DGKK: variants seen among roughly 807,000 people sequenced by gnomAD.
The protein encoded by DGKK is diacylglycerol kinase kappa.
In DGKK, 35 loss-of-function variants were observed where a neutral mutation model predicts 92.2. That is an observed-to-expected ratio of 0.38 (90% CI 0.29 to 0.50). The LOEUF (loss-of-function observed/expected upper bound fraction) is 0.50. Among genes scored for constraint, DGKK ranks in the 20% least tolerant of loss-of-function variants. The probability of loss-of-function intolerance (pLI) is 0.92; values close to 1 mark genes in which losing one functional copy is unlikely to be tolerated. For synonymous variants in DGKK, 368 were observed against 360.6 expected (o/e 1.02, Z -0.23); for missense variants, 910 against 992.2 (o/e 0.92, Z 1.11).
intron 1 of DGKK, among the ~76,000 whole-genome samples, chrX:50,454,702 G>A (rs1557232734): frequency 1.8e-5 from 2 of 111,188 alleles, no homozygotes; most frequent in Non-Finnish European, 3.8e-5. Flanking sequence ...TCTAAATTCA[G>A]TTGATCTCAA....
At chrX:50,393,391 A>G (rs1394880166) in intron 8 of DGKK, 56 bp from the exon 9 acceptor site, 1 of 973,028 alleles carries the variant, frequency 1.0e-6, no homozygotes, top group African/African-American at 1.9e-5. Context: ...TGAGATGGAA[A>G]CGAGACATGA....
intron 1 of DGKK, among the ~76,000 whole-genome samples, chrX:50,462,882 CTTTTTTTT>C (rs548003185): frequency 1.3e-4 from 2 of 15,766 alleles, no homozygotes; most frequent in African/African-American, 2.3e-4. Context: ...CCTTTCCTTG[CTTTTTTTT>C]TTTTTTTTTT....
chrX:50,411,326 C>A (rs547948788), intron 4 of DGKK, among the ~76,000 whole-genome samples: 4 of 112,123 alleles, frequency 3.6e-5, no homozygotes, highest in African/African-American at 1.3e-4. Context: ...AAAATATTAG[C>A]AAACTGAATT....
chrX:50,422,458 G>T lies in DGKK; in HGVS notation c.825C>A (p.Cys275Ter). ...TVAESSCRNL[C>*]HSFCVITPQR... ...CAATCTTACTTACACAAAAACTGTG[G>T]CAAAGGTTTCTACAGCTGCTTTCTG... Residue 275 changes from cysteine (C) to a stop codon, truncating the protein, a stop_gained, in exon 3 of 28, where the codon TGC (cysteine) becomes TGA (stop). Transcript: ENST00000611977. LOFTEE classifies it high-confidence loss of function. 1 of 1,201,213 alleles carries T rather than the reference G, an allele frequency of 8.3e-7. No individual in the cohort carries two copies. The highest frequency in any genetic ancestry group is 1.8e-5 in the South Asian group (1 of 54,635).
intron 1 of DGKK, among the ~76,000 whole-genome samples, chrX:50,430,831 C>T (rs907292129): frequency 9.0e-6 from 1 of 111,530 alleles, no homozygotes; most frequent in Non-Finnish European, 1.9e-5. Flanking sequence ...ATAAACATTT[C>T]CCTCAATCCA....
At chrX:50,402,671 G>A (rs928232687) in intron 7 of DGKK, among the ~76,000 whole-genome samples, 2 of 111,481 alleles carry the variant, frequency 1.8e-5, no homozygotes, top group Non-Finnish European at 3.8e-5. Context: ...CAATAATAAT[G>A]TGTTAATATT....
chrX:50,370,669 A>G (rs1557223070), intron 26 of DGKK, 120 bp from the exon 27 acceptor site: 28 of 802,027 alleles, frequency 3.5e-5, no homozygotes, highest in Non-Finnish European at 3.8e-5. Flanking sequence ...TCTGCTCTCT[A>G]TCCAGGTATG....
At chrX:50,433,678 C>A (rs1925948653) in intron 1 of DGKK, among the ~76,000 whole-genome samples, 1 of 111,343 alleles carries the variant, frequency 9.0e-6, no homozygotes, top group Admixed American at 9.5e-5. Context: ...AGGGAAGACT[C>A]AAAGTTCTGA....
chrX:50,428,530 G>A (rs1312741742), intron 1 of DGKK, among the ~76,000 whole-genome samples: 1 of 111,852 alleles, frequency 8.9e-6, no homozygotes, highest in East Asian at 2.8e-4. Flanking sequence ...TTGTTGGAAG[G>A]AACCAAATGA....
Position 50,382,561 on chromosome X carries a change from A to G in DGKK, c.2592T>C (p.Ile864=), listed in dbSNP as rs1569544183. 4 of 1,210,437 alleles carry G rather than the reference A, an allele frequency of 3.3e-6. No homozygotes were observed. Among genetic ancestry groups the G allele is most frequent in the Middle Eastern group, 2.3e-4 (1 of 4,346 alleles). ...EKCVMNNYFG[I]GLDAKISLDF... is the part of the protein sequence containing the mutation. ...CCAGAGAAATTTTAGCATCCAGTCC[A>G]ATTCCGAAGTAGTTGTTCATGACAC... is the stretch of plus-strand genomic sequence containing the variant. Residue 864 remains isoleucine (I), a synonymous_variant, in exon 18 of 28, where the codon ATT becomes ATC. Transcript: ENST00000611977.
intron 1 of DGKK, among the ~76,000 whole-genome samples, chrX:50,447,261 G>T (rs1160900672): frequency 1.2e-5 from 1 of 80,551 alleles, no homozygotes; most frequent in Middle Eastern, 6.3e-3. Flanking sequence ...AAAGTATGTG[G>T]TCATACATAA....
intron 1 of DGKK, among the ~76,000 whole-genome samples, chrX:50,431,528 T>C (rs1312527341): frequency 9.0e-6 from 1 of 111,387 alleles, no homozygotes; most frequent in East Asian, 2.8e-4. Flanking sequence ...CTGGATCAAG[T>C]TGGGGGATGA....
intron 8 of DGKK, 125 bp from the exon 9 acceptor site, chrX:50,393,460 G>A: frequency 1.8e-6 from 1 of 540,878 alleles, no homozygotes; most frequent in East Asian, 3.6e-5. Flanking sequence ...TTGAAAATGA[G>A]GAGCAGAGGA....
At chrX:50,444,845 C>A (rs1012069929) in intron 1 of DGKK, among the ~76,000 whole-genome samples, 8 of 110,463 alleles carry the variant, frequency 7.2e-5, no homozygotes, top group African/African-American at 2.6e-4. Context: ...TAGCTCTGTT[C>A]TTAGCTCTTT....
intron 14 of DGKK, among the ~76,000 whole-genome samples, 161 bp downstream of exon 14, chrX:50,387,393 G>A (rs1286896446): frequency 2.7e-5 from 3 of 111,485 alleles, no homozygotes; most frequent in Non-Finnish European, 5.7e-5. Flanking sequence ...AGCAAAAGAT[G>A]GAAGTTCAAT....
intron 20 of DGKK, 48 bp downstream of exon 20, chrX:50,379,579 T>G: frequency 9.7e-7 from 1 of 1,035,111 alleles, no homozygotes; most frequent in Non-Finnish European, 1.4e-6. Flanking sequence ...AGAGAGACCT[T>G]AGTGGGATCA....
chrX:50,397,352 A>G (rs782438217), intron 8 of DGKK, among the ~76,000 whole-genome samples: 21 of 112,467 alleles, frequency 1.9e-4, no homozygotes, highest in Non-Finnish European at 3.4e-4. Context: ...CCGTACTTTT[A>G]AAATCCTCCC....
At chrX:50,420,620 C>T in intron 3 of DGKK, 113 bp from the exon 4 acceptor site, 1 of 591,219 alleles carries the variant, frequency 1.7e-6, no homozygotes, top group Non-Finnish European at 2.7e-6. Context: ...ACATAAGCCA[C>T]TTCTTGAATA....
chrX:50,443,958 C>T (rs782337239), intron 1 of DGKK, among the ~76,000 whole-genome samples: 1 of 111,233 alleles, frequency 9.0e-6, no homozygotes, highest in Non-Finnish European at 1.9e-5. Flanking sequence ...ATCATTCAGT[C>T]TGTACCCTTT....
Sources: allele counts gnomAD v4.1 joint callset (sites outside exome capture counted in the v4.1 genomes callset), GRCh38; gene constraint gnomAD v4.1.1; transcripts MANE v1.5; gene names NCBI Gene and HGNC (gene_info 2026-07-23, HGNC 2026-07-21).